The following PRR16 variants were observed in gnomAD, a reference collection of about 807,000 sequenced individuals.
PRR16 encodes the protein protein Largen.
A neutral mutation model predicts 18.2 loss-of-function variants in PRR16; 6 were observed. The observed-to-expected ratio is 0.33, with a 90% CI of 0.18 to 0.65. The LOEUF (loss-of-function observed/expected upper bound fraction) is 0.65. Ranked by LOEUF, PRR16 falls within the 30% of genes least tolerant of loss-of-function variation. The pLI, the probability that PRR16 is intolerant of heterozygous loss-of-function variation, is 0.74. For synonymous variants in PRR16, 151 were observed against 147.8 expected (o/e 1.02, Z -0.16); for missense variants, 412 against 376.6 (o/e 1.09, Z -0.78).
chr5:120,704,089 A>G, the PRR16 span, among the ~76,000 whole-genome samples: 1 of 152,220 alleles, frequency 6.6e-6, no homozygotes. Context: ...TTAACATAAG[A>G]AAGAAGCTTT....
chr5:120,557,683 T>C (rs1414230489), intron 1 of PRR16, among the ~76,000 whole-genome samples: 1 of 151,942 alleles, frequency 6.6e-6, no homozygotes, highest in Non-Finnish European at 1.5e-5. Flanking sequence ...TCCTATGGTC[T>C]CTTTTTATTC....
At chr5:120,733,324 AT>A in the PRR16 span, among the ~76,000 whole-genome samples, 4 of 151,826 alleles carry the variant, frequency 2.6e-5, no homozygotes, top group African/African-American at 9.7e-5. Context: ...TAAGTTTAAA[AT>A]TTTTTAAAGA....
At chr5:120,678,147 G>T (rs1473258081) in intron 1 of PRR16, among the ~76,000 whole-genome samples, 5 of 152,192 alleles carry the variant, frequency 3.3e-5, no homozygotes, top group Non-Finnish European at 5.9e-5. Flanking sequence ...CTGACCTGGT[G>T]ATCCGCCTGC....
At chr5:120,477,422 T>C (rs192109273) in intron 1 of PRR16, among the ~76,000 whole-genome samples, 1 of 152,226 alleles carries the variant, frequency 6.6e-6, no homozygotes, top group East Asian at 1.9e-4. Flanking sequence ...AATTCCTCTT[T>C]CTCTCATGCG....
chr5:120,589,149 A>G (rs1051731381), intron 1 of PRR16, among the ~76,000 whole-genome samples: 2 of 152,166 alleles, frequency 1.3e-5, no homozygotes, highest in African/African-American at 2.4e-5. Flanking sequence ...TAATAAGTAA[A>G]TAAAAATTAA....
At chr5:120,547,986 T>C (rs1321476547) in intron 1 of PRR16, among the ~76,000 whole-genome samples, 2 of 152,078 alleles carry the variant, frequency 1.3e-5, no homozygotes, top group East Asian at 3.9e-4. Context: ...TTATGATGAA[T>C]AACTATGATA....
chr5:120,772,662 G>A, the PRR16 span, among the ~76,000 whole-genome samples: 388 of 151,946 alleles, frequency 2.6e-3, no homozygotes, highest in African/African-American at 8.9e-3. Flanking sequence ...GATGGATAAC[G>A]CTTTGTCACA....
At chr5:120,716,699 A>T in the PRR16 span, among the ~76,000 whole-genome samples, 1 of 152,098 alleles carries the variant, frequency 6.6e-6, no homozygotes, top group Non-Finnish European at 1.5e-5. Flanking sequence ...ACATGGAGAA[A>T]CCCCATCTCT....
At chr5:120,706,073 T>A in the PRR16 span, among the ~76,000 whole-genome samples, 2 of 152,140 alleles carry the variant, frequency 1.3e-5, no homozygotes, top group African/African-American at 4.8e-5. Context: ...TGGCTTCCAA[T>A]GGCCTTACAA....
intron 1 of PRR16, among the ~76,000 whole-genome samples, chr5:120,625,819 C>T (rs941801436): frequency 1.8e-4 from 27 of 152,088 alleles, no homozygotes; most frequent in African/African-American, 6.3e-4. Flanking sequence ...TGATCTGGTG[C>T]GTAGTTGTTA....
At chr5:120,746,578 T>C in the PRR16 span, among the ~76,000 whole-genome samples, 2 of 152,206 alleles carry the variant, frequency 1.3e-5, no homozygotes, top group African/African-American at 2.4e-5. Context: ...AACACTGGAT[T>C]AGTAGTCTGC....
At chr5:120,699,802 G>A in the PRR16 span, among the ~76,000 whole-genome samples, 2 of 152,182 alleles carry the variant, frequency 1.3e-5, no homozygotes, top group South Asian at 2.1e-4. Context: ...GAAAGGAGTT[G>A]TTGTTTTGTA....
the PRR16 span, among the ~76,000 whole-genome samples, chr5:120,786,488 A>T: frequency 6.7e-6 from 1 of 150,364 alleles, no homozygotes; most frequent in Non-Finnish European, 1.5e-5. Context: ...CAGACACATG[A>T]CACATTGTCC....
intron 1 of PRR16, among the ~76,000 whole-genome samples, chr5:120,625,620 A>C (rs1270885093): frequency 6.6e-6 from 1 of 152,042 alleles, no homozygotes; most frequent in Non-Finnish European, 1.5e-5. Flanking sequence ...TTACAGGTAA[A>C]AGCCACTGTG....
chr5:120,711,516 A>T, the PRR16 span, among the ~76,000 whole-genome samples: 2 of 152,186 alleles, frequency 1.3e-5, no homozygotes, highest in African/African-American at 4.8e-5. Flanking sequence ...TAAGTTAAGA[A>T]CTATTTGAGA....
intron 1 of PRR16, among the ~76,000 whole-genome samples, chr5:120,612,675 T>A (rs1754373957): frequency 6.6e-6 from 1 of 152,172 alleles, no homozygotes; most frequent in Non-Finnish European, 1.5e-5. Flanking sequence ...AAACCTCTTT[T>A]TCTTTCCAGT....
At chr5:120,567,706 C>G (rs1752780419) in intron 1 of PRR16, among the ~76,000 whole-genome samples, 1 of 152,134 alleles carries the variant, frequency 6.6e-6, no homozygotes, top group Non-Finnish European at 1.5e-5. Flanking sequence ...CTCTCTGTCT[C>G]CTGCTACCAT....
chr5:120,558,661 C>T (rs1286318433), intron 1 of PRR16, among the ~76,000 whole-genome samples: 4 of 151,786 alleles, frequency 2.6e-5, no homozygotes, highest in African/African-American at 9.7e-5. Flanking sequence ...TTGGTGTATA[C>T]CTAGAGTGGG....
intron 1 of PRR16, among the ~76,000 whole-genome samples, chr5:120,489,668 G>T (rs1263413188): frequency 6.6e-6 from 1 of 152,080 alleles, no homozygotes; most frequent in Non-Finnish European, 1.5e-5. Flanking sequence ...GGTTAATATT[G>T]TTATGTGTGG....
Sources: allele counts gnomAD v4.1 joint callset (sites outside exome capture counted in the v4.1 genomes callset), GRCh38; gene constraint gnomAD v4.1.1; transcripts MANE v1.5; gene names NCBI Gene and HGNC (gene_info 2026-07-23, HGNC 2026-07-21).